DPP6: variants seen among roughly 807,000 people sequenced by gnomAD.
DPP6 encodes the protein dipeptidyl peptidase like 6.
A neutral mutation model predicts 122.6 loss-of-function variants in DPP6; 69 were observed. The ratio of observed to expected loss-of-function variants is 0.56; its 90% CI spans 0.46 to 0.69. DPP6 has a LOEUF of 0.69. Ranked by LOEUF, DPP6 falls within the 30% of genes least tolerant of loss-of-function variation. The probability of loss-of-function intolerance (pLI) is 0.00; values close to 1 mark genes in which losing one functional copy is unlikely to be tolerated. For synonymous variants in DPP6, 418 were observed against 433.1 expected (o/e 0.97, Z 0.43); for missense variants, 928 against 1,116.9 (o/e 0.83, Z 2.41).
chr7:153,809,624 A>T, the DPP6 span, among the ~76,000 whole-genome samples: 2 of 152,160 alleles, frequency 1.3e-5, no homozygotes, highest in African/African-American at 2.4e-5. Flanking sequence ...GGTGGAACTC[A>T]GGAAATTGTA....
chr7:154,628,923 C>T (rs1371277102), intron 5 of DPP6, among the ~76,000 whole-genome samples: 2 of 152,226 alleles, frequency 1.3e-5, no homozygotes, highest in Admixed American at 6.5e-5. Context: ...TTCCTGGTCT[C>T]ACCTCTCCTC....
At chr7:154,150,611 G>C (rs1158831970) in intron 1 of DPP6, among the ~76,000 whole-genome samples, 2 of 152,220 alleles carry the variant, frequency 1.3e-5, no homozygotes, top group Non-Finnish European at 2.9e-5. Context: ...GTCTCAGCAC[G>C]AGGGAGAAGA....
intron 12 of DPP6, among the ~76,000 whole-genome samples, chr7:154,799,647 G>A (rs1798238395): frequency 6.6e-6 from 1 of 152,204 alleles, no homozygotes; most frequent in Non-Finnish European, 1.5e-5. Flanking sequence ...TGGCAAAAAT[G>A]CTACAAATAA....
At chr7:154,767,740 C>T (rs1795997827) in intron 8 of DPP6, among the ~76,000 whole-genome samples, 1 of 152,116 alleles carries the variant, frequency 6.6e-6, no homozygotes. Context: ...CACCAGGGCT[C>T]CTGAATTCAT....
At chr7:153,859,687 C>A in the DPP6 span, among the ~76,000 whole-genome samples, 2 of 152,144 alleles carry the variant, frequency 1.3e-5, no homozygotes, top group African/African-American at 2.4e-5. Context: ...GAAGAAATAC[C>A]CAGACTGGGT....
chr7:153,824,572 C>A, the DPP6 span, among the ~76,000 whole-genome samples: 1 of 151,754 alleles, frequency 6.6e-6, no homozygotes, highest in African/African-American at 2.4e-5. Flanking sequence ...TAGTCTCAGC[C>A]ACTCGGGAGG....
At chr7:154,547,060 A>C (rs550263354) in intron 4 of DPP6, among the ~76,000 whole-genome samples, 1 of 152,342 alleles carries the variant, frequency 6.6e-6, no homozygotes, top group South Asian at 2.1e-4. Flanking sequence ...GTTGAATGGG[A>C]AGCACAGGAT....
At chr7:154,569,298 T>C (rs1458947784) in intron 5 of DPP6, among the ~76,000 whole-genome samples, 1 of 152,056 alleles carries the variant, frequency 6.6e-6, no homozygotes, top group East Asian at 1.9e-4. Context: ...CAGTAATTGT[T>C]ATTGCTAGTA....
At chr7:154,417,284 A>G (rs1817108157) in intron 1 of DPP6, among the ~76,000 whole-genome samples, 1 of 152,204 alleles carries the variant, frequency 6.6e-6, no homozygotes, top group African/African-American at 2.4e-5. Context: ...TTTCATCTAC[A>G]TGAAACTCTC....
At chr7:154,751,711 T>A (rs963925981) in intron 8 of DPP6, among the ~76,000 whole-genome samples, 1 of 152,076 alleles carries the variant, frequency 6.6e-6, no homozygotes, top group African/African-American at 2.4e-5. Context: ...CAGACACATG[T>A]CCAGAACATC....
chr7:154,018,404 A>G (rs73481317), intron 1 of DPP6, among the ~76,000 whole-genome samples: 20,012 of 152,112 alleles, frequency 0.13, 1,421 homozygotes, highest in East Asian at 0.2. Context: ...TTTTTTGCCC[A>G]TTTGTTAGTA....
intron 1 of DPP6, among the ~76,000 whole-genome samples, chr7:154,109,258 C>G (rs566711860): frequency 5.9e-5 from 9 of 152,240 alleles, no homozygotes; most frequent in African/African-American, 1.9e-4. Context: ...AAATTATACT[C>G]TAGTATGCTG....
chr7:154,813,086 A>G (rs1386804872), intron 16 of DPP6, among the ~76,000 whole-genome samples: 4 of 147,550 alleles, frequency 2.7e-5, no homozygotes, highest in African/African-American at 1.0e-4. Context: ...TAATTCCTCA[A>G]TTTTTTTTTT....
rs1364887639 is a variant in DPP6 at position 154,061,912 on chromosome 7, T to A, written c.243+8849T>A. Among the ~76,000 whole-genome samples, 7 of 112,670 alleles carry A rather than the reference T, an allele frequency of 6.2e-5. 1 individual carries two copies. The highest frequency in any genetic ancestry group is 4.4e-4 in the Admixed American group (5 of 11,272). 73.9% of individuals were successfully genotyped at this position (112,670 alleles called of 152,430 possible). ...TGAGAGGCAATCCCTCTTCCCCCCC[T>A]GGCTCTGAGGACCCCCATCGCAGGA... On this transcript the variant is annotated intron_variant, in intron 1 of 25. Transcript: ENST00000377770.
intron 1 of DPP6, among the ~76,000 whole-genome samples, chr7:154,180,944 G>A (rs1201789836): frequency 6.6e-6 from 1 of 152,018 alleles, no homozygotes; most frequent in Non-Finnish European, 1.5e-5. Context: ...TAGCCTATAG[G>A]TCTTACTTAC....
At position 154,117,599 on chromosome 7, in the gene DPP6, G is replaced by A. The variant is rs71532633; in HGVS notation, c.243+64536G>A. On this transcript the variant is annotated intron_variant, in intron 1 of 25. Coordinates refer to ENST00000377770, the MANE Select transcript of DPP6 (RefSeq NM_130797.4). ...TTATCCCTTTTTCATTGTTCAGCAT[G>A]ACTGGGAACCTGCCAGCTCGCCACA... is the stretch of plus-strand genomic sequence containing the variant. Among the ~76,000 whole-genome samples the A allele has an allele frequency of 7.8e-3, 1,184 of 152,310 alleles. 12 individuals carry two copies. The highest frequency in any genetic ancestry group is 0.025 in the African/African-American group (1,053 of 41,566).
At position 154,731,870 on chromosome 7, in the gene DPP6, C is replaced by G. The variant is rs527389822; in HGVS notation, c.883+3983C>G. Among the ~76,000 whole-genome samples the G allele has an allele frequency of 5.0e-4, 76 of 152,194 alleles. 1 individual carries two copies. The highest frequency in any genetic ancestry group is 2.6e-3 in the Admixed American group (39 of 15,286). ...GAGTGAGTGTTCTGTTAAGAATGTG[C>G]ACTTTGATGCAGGGCTCAGTAATTT... is the stretch of plus-strand genomic sequence containing the variant. On this transcript the variant is annotated intron_variant, in intron 8 of 25. Coordinates refer to ENST00000377770, the MANE Select transcript of DPP6 (RefSeq NM_130797.4).
chr7:153,892,674 CTCTG>C (rs1281217296), intron 1 of DPP6, among the ~76,000 whole-genome samples: 2 of 152,244 alleles, frequency 1.3e-5, no homozygotes, highest in South Asian at 2.1e-4. Flanking sequence ...AATATTTTTC[CTCTG>C]TCTGAGGGTA....
intron 3 of DPP6, among the ~76,000 whole-genome samples, chr7:154,506,568 T>A (rs1313280372): frequency 6.6e-6 from 1 of 152,230 alleles, no homozygotes; most frequent in African/African-American, 2.4e-5. Flanking sequence ...CTGTCTTGTT[T>A]GGCTTATTTA....
Sources: allele counts gnomAD v4.1 joint callset (sites outside exome capture counted in the v4.1 genomes callset), GRCh38; gene constraint gnomAD v4.1.1; transcripts MANE v1.5; gene names NCBI Gene and HGNC (gene_info 2026-07-23, HGNC 2026-07-21).